Variants in IGF2 observed in about 807,000 individuals in gnomAD.
The protein encoded by IGF2 is insulin-like growth factor 2.
Under a neutral mutation model 12.0 loss-of-function variants are expected in IGF2, and 2 were observed. The ratio of observed to expected loss-of-function variants is 0.17; its 90% CI spans 0.07 to 0.52. IGF2 has a LOEUF of 0.52. Ranked by LOEUF, IGF2 falls within the 20% of genes least tolerant of loss-of-function variation. IGF2 has a pLI of 0.95. For synonymous variants in IGF2, 105 were observed against 110.1 expected (o/e 0.95, Z 0.29); for missense variants, 211 against 268.0 (o/e 0.79, Z 1.48).
upstream of IGF2, chr11:2,140,059 C>A (rs1474570146): frequency 2.1e-6 from 3 of 1,433,526 alleles, no homozygotes; most frequent in African/African-American, 4.5e-5. Flanking sequence ...CGAATCTGGG[C>A]CAGGCTTGGA....
chr11:2,140,630 A>C, upstream of IGF2: 3 of 506,394 alleles, frequency 5.9e-6, no homozygotes, highest in Non-Finnish European at 1.1e-5. Context: ...TTCCCCACAA[A>C]TGAGATCTTT....
chr11:2,138,117 G>T, intron 1 of IGF2, 112 bp downstream of exon 1: 1 of 642,058 alleles, frequency 1.6e-6, no homozygotes, highest in Non-Finnish European at 1.9e-6. Context: ...CAGCCGCCCC[G>T]CCGAGCCCCG....
At chr11:2,136,501 C>T (rs930513941) in intron 1 of IGF2, among the ~76,000 whole-genome samples, 7 of 152,258 alleles carry the variant, frequency 4.6e-5, no homozygotes, top group Non-Finnish European at 8.8e-5. Flanking sequence ...CGGGTTAACC[C>T]ACTCGGGGGT....
chr11:2,149,335 C>A, the IGF2 span: 1 of 1,611,602 alleles, frequency 6.2e-7, no homozygotes, highest in Non-Finnish European at 8.5e-7. Flanking sequence ...AGGAGAGGGA[C>A]AAAGCTGAGG....
chr11:2,144,939 C>T (rs1040494122), upstream of IGF2, among the ~76,000 whole-genome samples: 2 of 152,256 alleles, frequency 1.3e-5, no homozygotes, highest in African/African-American at 4.8e-5. Context: ...AAGTTAATGG[C>T]CTTGGACAGG....
At chr11:2,140,323 A>G (rs1424343734), upstream of IGF2, 2 of 1,601,686 alleles carry the variant, frequency 1.2e-6, no homozygotes, top group Admixed American at 1.7e-5. Context: ...ACGATGTAAG[A>G]AAGCACTGTG....
In IGF2 at chr11:2,133,485, T is replaced by C; in HGVS notation, c.306+32A>G. On this transcript the variant is annotated intron_variant, in intron 3 of 3. Coordinates refer to ENST00000416167, the MANE Select transcript of IGF2 (RefSeq NM_000612.6). The surrounding 1 kb of genome is among the most constrained non-coding windows in gnomAD (Gnocchi z 8.9). ...GCCCGAAGCCCTATTTCTCTGTCTC[T>C]AGAGAGTGGGAAAGGGGCCCAGGAC... 6.3e-7 allele frequency: 1 copy of C among 1,597,754 alleles called. No homozygotes were observed. The highest frequency in any genetic ancestry group is 8.5e-7 in the Non-Finnish European group (1 of 1,172,548).
the IGF2 span, chr11:2,146,349 C>G: frequency 4.5e-5 from 24 of 535,728 alleles, no homozygotes; most frequent in African/African-American, 4.2e-4. Flanking sequence ...TCCGTCACCC[C>G]CTGCAGGGCG....
the IGF2 span, chr11:2,148,318 C>CT: frequency 6.5e-6 from 1 of 153,552 alleles, no homozygotes; most frequent in South Asian, 2.1e-4. This position sits in a 1 kb window ranked among gnomAD's most constrained non-coding sequence, Gnocchi z 4.3. Flanking sequence ...AAATGAACCC[C>CT]CTCCCCACAG....
rs1411865881 is a variant in IGF2 at position 2,131,560 on chromosome 11, TGTGTGTTTG to T, written c.*1418_*1426del. 2 of 166,166 alleles carry T rather than the reference TGTGTGTTTG, an allele frequency of 1.2e-5. No individual in the cohort carries two copies. The highest frequency in any genetic ancestry group is 5.4e-5 in the African/African-American group (2 of 36,920). 10.3% of individuals were successfully genotyped at this position (166,166 alleles called of 1,614,324 possible). On this transcript the variant is annotated 3_prime_UTR_variant, in exon 4 of 4. Coordinates refer to ENST00000416167, the MANE Select transcript of IGF2 (RefSeq NM_000612.6). ...GTGTGCTGTGTGTGCATGTGTGTGC[TGTGTGTTTG>T]TGTGTGTGCTGTGTTCATGTGTGCT...
At chr11:2,141,911 A>T (rs914305569), upstream of IGF2, among the ~76,000 whole-genome samples, 2 of 152,248 alleles carry the variant, frequency 1.3e-5, no homozygotes, top group Non-Finnish European at 2.9e-5. Flanking sequence ...ATTTTTGGTA[A>T]ATAAGAAAAA....
chr11:2,132,488 G>A lies in IGF2; in HGVS notation c.*499C>T, dbSNP rs1274091230. On this transcript the variant is annotated 3_prime_UTR_variant, in exon 4 of 4. Coordinates refer to ENST00000416167, the MANE Select transcript of IGF2 (RefSeq NM_000612.6). ...CAAGGGAGAAGAGAAAGAGGGGGGT[G>A]GGGAGTGCCAAATTCCTTTATTTTG... The A allele has an allele frequency of 5.0e-6, 1 of 198,266 alleles. No individual in the cohort carries two copies. The highest frequency in any genetic ancestry group is 1.0e-5 in the Non-Finnish European group (1 of 95,806). 12.3% of individuals were successfully genotyped at this position (198,266 alleles called of 1,614,324 possible).
the IGF2 span, chr11:2,146,799 T>C: frequency 4.9e-6 from 1 of 205,574 alleles, no homozygotes; most frequent in Non-Finnish European, 1.0e-5. Context: ...GCTCCAACGC[T>C]CCCCAAGTCC....
In IGF2 at chr11:2,138,979, C is replaced by T. The variant is rs937480886; in HGVS notation, c.-757G>A. 3.1e-6 allele frequency: 3 copies of T among 970,988 alleles called. No individual in the cohort carries two copies. Among genetic ancestry groups the T allele is most frequent in the Non-Finnish European group, 3.6e-6 (3 of 824,332 alleles). 60.1% of individuals were successfully genotyped at this position (970,988 alleles called of 1,614,324 possible). A position where few individuals can be genotyped will look rare whatever the true frequency, so the allele number is the denominator to read the frequency against. The stretch of plus-strand genomic sequence containing the variant: ...GCCTCGGGAGGGGGACAGGCGGTGG[C>T]GGCACCGGGGCCGCTCCGGGACGCA... On this transcript the variant is annotated 5_prime_UTR_variant, in exon 1 of 4. Coordinates refer to ENST00000416167, the MANE Select transcript of IGF2 (RefSeq NM_000612.6).
At chr11:2,136,923 C>T (rs1859102175) in intron 1 of IGF2, among the ~76,000 whole-genome samples, 1 of 152,300 alleles carries the variant, frequency 6.6e-6, no homozygotes, top group East Asian at 1.9e-4. Context: ...TGCAGCGGTG[C>T]GGAGCAGGTG....
At chr11:2,139,402 C>T (rs1214855846), upstream of IGF2, 1 of 148,128 alleles carries the variant, frequency 6.8e-6, no homozygotes. Context: ...ACTGCGGGCG[C>T]CCACGCCCGG....
chr11:2,133,328 G>C lies in IGF2; in HGVS notation c.307-105C>G. 4.9e-6 allele frequency: 5 copies of C among 1,024,668 alleles called. No individual in the cohort carries two copies. In the South Asian group the frequency reaches 8.3e-5, roughly 17 times the overall value. 63.5% of individuals were successfully genotyped at this position (1,024,668 alleles called of 1,614,324 possible). A position where few individuals can be genotyped will look rare whatever the true frequency, so the allele number is the denominator to read the frequency against. On this transcript the variant is annotated intron_variant, in intron 3 of 3. Transcript: ENST00000416167. The surrounding 1 kb of genome is among the most constrained non-coding windows in gnomAD (Gnocchi z 8.9). ...CACCCCTGTGACTGATCAGTGACTT[G>C]AGCTAATGTCCACGGGCAGAGGGAC...
chr11:2,140,465 C>T (rs1372145373), upstream of IGF2: 7 of 627,330 alleles, frequency 1.1e-5, no homozygotes, highest in Non-Finnish European at 1.9e-5. Flanking sequence ...CCCCTCGCTC[C>T]GCCATCAATC....
At chr11:2,140,707 G>A (rs577186079), upstream of IGF2, 18 of 458,544 alleles carry the variant, frequency 3.9e-5, no homozygotes, top group East Asian at 1.0e-3. Context: ...GCCGCCAGCC[G>A]CAAGTCCGCA....
Sources: allele counts gnomAD v4.1 joint callset (sites outside exome capture counted in the v4.1 genomes callset), GRCh38; gene constraint gnomAD v4.1.1; non-coding constraint Gnocchi (gnomAD v3.1); transcripts MANE v1.5; gene names NCBI Gene and HGNC (gene_info 2026-07-23, HGNC 2026-07-21).